INPP5A: variants seen among roughly 807,000 people sequenced by gnomAD.
INPP5A encodes 43 kDa inositol polyphosphate 5-phophatase.
A neutral mutation model predicts 65.2 loss-of-function variants in INPP5A; 14 were observed. The ratio of observed to expected loss-of-function variants is 0.21; its 90% CI spans 0.14 to 0.34. The LOEUF (loss-of-function observed/expected upper bound fraction) is 0.34. INPP5A is among the 10% of genes least tolerant of loss of function. The pLI is 1.00. For missense variants in INPP5A, 431 were observed against 545.6 expected (o/e 0.79, Z 2.09); for synonymous variants, 207 against 208.3 (o/e 0.99, Z 0.05).
intron 2 of INPP5A, among the ~76,000 whole-genome samples, chr10:132,628,644 T>C (rs935292216): frequency 6.6e-6 from 1 of 152,198 alleles, no homozygotes; most frequent in African/African-American, 2.4e-5. Context: ...AGAGTTTAAA[T>C]GTGATTAAAA....
chr10:132,628,475 G>GC (rs1554937183), intron 2 of INPP5A, among the ~76,000 whole-genome samples: 16 of 150,866 alleles, frequency 1.1e-4, no homozygotes, highest in African/African-American at 3.7e-4. Flanking sequence ...GGGGGGGGGG[G>GC]GGGCGTGGCG....
At chr10:132,645,701 C>T (rs540777963) in intron 2 of INPP5A, among the ~76,000 whole-genome samples, 167 bp from the exon 3 acceptor site, 8 of 152,284 alleles carry the variant, frequency 5.3e-5, no homozygotes, top group African/African-American at 9.6e-5. Flanking sequence ...AGCACAAAGG[C>T]GACGTGACTC....
At chr10:132,635,601 T>C (rs1357552000) in intron 2 of INPP5A, among the ~76,000 whole-genome samples, 1 of 151,752 alleles carries the variant, frequency 6.6e-6, no homozygotes, top group Non-Finnish European at 1.5e-5. Flanking sequence ...TTCACTGTGT[T>C]AGCCAGGATG....
At chr10:132,751,558 C>T (rs1320989145) in intron 11 of INPP5A, among the ~76,000 whole-genome samples, 3 of 152,246 alleles carry the variant, frequency 2.0e-5, no homozygotes, top group Non-Finnish European at 1.5e-5. Flanking sequence ...TGGCGCATCC[C>T]GGCCTCGTCA....
intron 11 of INPP5A, among the ~76,000 whole-genome samples, chr10:132,751,059 C>T (rs3793682): frequency 0.16 from 24,768 of 152,192 alleles, 2,455 homozygotes; most frequent in Non-Finnish European, 0.22. Context: ...GCCCAGCGGA[C>T]GCTGCCAGCC....
intron 1 of INPP5A, among the ~76,000 whole-genome samples, chr10:132,598,890 CCT>C (rs1280446568): frequency 6.6e-6 from 1 of 152,150 alleles, no homozygotes; most frequent in African/African-American, 2.4e-5. Context: ...AAAGCGGAAA[CCT>C]CTGATAAGCC....
chr10:132,688,714 A>G (rs1281507652), intron 4 of INPP5A, among the ~76,000 whole-genome samples: 2 of 148,916 alleles, frequency 1.3e-5, no homozygotes, highest in Admixed American at 6.7e-5. Context: ...AGTGTGAACA[A>G]GTGCATTGTG....
rs544112277 is a variant in INPP5A at position 132,620,284 on chromosome 10, G to A, written c.117+12328G>A. On this transcript the variant is annotated intron_variant, in intron 2 of 15. Transcript: ENST00000368594. Reference sequence around the variant, plus strand: ...ATCTCTAGCAAGTGGTTGCTTTACAGCCTTTTTGATTTTCTTTCCTGAGAA... The same window carrying A: ...ATCTCTAGCAAGTGGTTGCTTTACAACCTTTTTGATTTTCTTTCCTGAGAA... Among the ~76,000 whole-genome samples, 5 of 152,354 alleles carry A rather than the reference G, an allele frequency of 3.3e-5. No homozygotes were observed. The East Asian group carries it at 9.6e-4, about 29-fold the overall frequency.
chr10:132,739,953 TC>T (rs1348094906), intron 9 of INPP5A, among the ~76,000 whole-genome samples: 3 of 152,146 alleles, frequency 2.0e-5, no homozygotes, highest in African/African-American at 7.2e-5. Context: ...GCCAGAGGAC[TC>T]CAGAGGTGAG....
intron 4 of INPP5A, among the ~76,000 whole-genome samples, chr10:132,662,317 A>G (rs1474512331): frequency 6.6e-6 from 1 of 152,188 alleles, no homozygotes; most frequent in Non-Finnish European, 1.5e-5. Flanking sequence ...AGAGAAATGA[A>G]AGCACATTCC....
Position 132,637,775 on chromosome 10 carries a change from T to C in INPP5A, c.118-8093T>C, listed in dbSNP as rs922673772. ...GTTTCGCATCTCTGATGTGAGGTGG[T>C]TTTTCATATTCTCGACTGCTTGAGT... On this transcript the variant is annotated intron_variant, in intron 2 of 15. Transcript: ENST00000368594. The surrounding 1 kb of genome is among the most constrained non-coding windows in gnomAD (Gnocchi z 4.1). Among the ~76,000 whole-genome samples the C allele has an allele frequency of 2.6e-5, 4 of 152,088 alleles. No individual in the cohort carries two copies. Among genetic ancestry groups the C allele is most frequent in the African/African-American group, 9.7e-5 (4 of 41,368 alleles).
intron 8 of INPP5A, among the ~76,000 whole-genome samples, chr10:132,714,258 C>T (rs1258145520): frequency 6.6e-6 from 1 of 152,190 alleles, no homozygotes; most frequent in East Asian, 1.9e-4. Flanking sequence ...CAGCCAGCCG[C>T]AGATCCGGAC....
chr10:132,738,135 C>T (rs1295586306), intron 9 of INPP5A, among the ~76,000 whole-genome samples: 4 of 152,162 alleles, frequency 2.6e-5, no homozygotes, highest in Non-Finnish European at 4.4e-5. Context: ...ATCTTTAATG[C>T]ACTTTTCTAT....
chr10:132,555,875 G>GA lies in INPP5A; in HGVS notation c.75+17709dup, dbSNP rs1263793888. ...TGCATTAGGAATCTGCGTCACAGAT[G>GA]AAAAACACGCGTTTCCCCTTTTCGT... On this transcript the variant is annotated intron_variant, in intron 1 of 15. Coordinates refer to ENST00000368594, the MANE Select transcript of INPP5A (RefSeq NM_005539.5). This position sits in a 1 kb window ranked among gnomAD's most constrained non-coding sequence, Gnocchi z 4.4. 6.6e-6 allele frequency among the ~76,000 whole-genome samples: 1 copy of GA among 152,174 alleles called. No individual in the cohort carries two copies. The highest frequency in any genetic ancestry group is 2.4e-5 in the African/African-American group (1 of 41,434).
chr10:132,765,879 G>C, intron 12 of INPP5A, 33 bp downstream of exon 12: 1 of 1,386,008 alleles, frequency 7.2e-7, no homozygotes, highest in African/African-American at 1.4e-5. Context: ...GATGAACCCG[G>C]CCGGGAAGGT....
chr10:132,544,159 C>T (rs1012700988), intron 1 of INPP5A, among the ~76,000 whole-genome samples: 1 of 152,250 alleles, frequency 6.6e-6, no homozygotes, highest in Non-Finnish European at 1.5e-5. Flanking sequence ...CTTCCTGGGA[C>T]CTCATCTAGA....
At chr10:132,653,255 C>T (rs1205726380) in intron 4 of INPP5A, among the ~76,000 whole-genome samples, 1 of 152,132 alleles carries the variant, frequency 6.6e-6, no homozygotes, top group Non-Finnish European at 1.5e-5. Context: ...AGCAAAACCT[C>T]CTTCAGGCTC....
intron 9 of INPP5A, among the ~76,000 whole-genome samples, chr10:132,733,404 A>G (rs1382321807): frequency 2.6e-5 from 4 of 152,118 alleles, no homozygotes; most frequent in African/African-American, 9.7e-5. Flanking sequence ...AATAAATCTC[A>G]CTGAAAAATG....
At position 132,627,928 on chromosome 10, in the gene INPP5A, A is replaced by G. The variant is rs916958659; in HGVS notation, c.118-17940A>G. Among the ~76,000 whole-genome samples the G allele has an allele frequency of 2.1e-4, 32 of 152,032 alleles. No individual in the cohort carries two copies. The highest frequency in any genetic ancestry group is 2.1e-3 in the South Asian group (10 of 4,812). On this transcript the variant is annotated intron_variant, in intron 2 of 15. Transcript: ENST00000368594. This position sits in a 1 kb window ranked among gnomAD's most constrained non-coding sequence, Gnocchi z 6.6. ...GGCGTCGGGTGTGGAGAGAAACTGG[A>G]GATAAGGGACGCGAATCTGACTCGG...
Sources: allele counts gnomAD v4.1 joint callset (sites outside exome capture counted in the v4.1 genomes callset), GRCh38; gene constraint gnomAD v4.1.1; non-coding constraint Gnocchi (gnomAD v3.1); transcripts MANE v1.5; gene names NCBI Gene and HGNC (gene_info 2026-07-23, HGNC 2026-07-21).